Variants in DLGAP2 observed in about 807,000 individuals in gnomAD.
DLGAP2 encodes disks large-associated protein 2.
In DLGAP2, 26 loss-of-function variants were observed where a neutral mutation model predicts 100.3. The ratio of observed to expected loss-of-function variants is 0.26; its 90% CI spans 0.19 to 0.36. The LOEUF (loss-of-function observed/expected upper bound fraction) is 0.36. DLGAP2 is among the 10% of genes least tolerant of loss of function. The pLI is 1.00. For synonymous variants in DLGAP2, 886 were observed against 630.1 expected, an observed-to-expected ratio of 1.41 and a Z score of -6.08; for missense variants, 1,858 against 1,453.2, an observed-to-expected ratio of 1.28 and a Z score of -4.53.
intron 2 of DLGAP2, among the ~76,000 whole-genome samples, chr8:1,062,655 C>G (rs1423009558): frequency 2.0e-5 from 3 of 152,166 alleles, no homozygotes; most frequent in African/African-American, 7.2e-5. Flanking sequence ...GCCCTCCCTC[C>G]CTCCTGGCCA....
intron 13 of DLGAP2, among the ~76,000 whole-genome samples, chr8:1,692,594 A>G (rs771397569): frequency 5.3e-4 from 80 of 152,186 alleles, no homozygotes; most frequent in Admixed American, 3.9e-4. Context: ...GCATCTTAGA[A>G]GAGGAGAAAC....
At chr8:1,206,610 G>A (rs1357657548) in intron 2 of DLGAP2, among the ~76,000 whole-genome samples, 15 of 89,536 alleles carry the variant, frequency 1.7e-4, no homozygotes, top group East Asian at 1.0e-3. Flanking sequence ...CCAGCCATCC[G>A]TGGACTGGGG....
intron 3 of DLGAP2, among the ~76,000 whole-genome samples, chr8:1,327,139 C>G (rs887194310): frequency 6.6e-6 from 1 of 152,232 alleles, no homozygotes; most frequent in Non-Finnish European, 1.5e-5. Context: ...CCTCCTGACA[C>G]TGAGCGAGAT....
At chr8:1,073,327 C>G (rs906759281) in intron 2 of DLGAP2, among the ~76,000 whole-genome samples, 1 of 151,830 alleles carries the variant, frequency 6.6e-6, no homozygotes, top group Non-Finnish European at 1.5e-5. Context: ...ATTTGTTTTA[C>G]TAAATTACAG....
chr8:1,508,539 G>A (rs1193064439), intron 4 of DLGAP2, among the ~76,000 whole-genome samples: 1 of 25,588 alleles, frequency 3.9e-5, no homozygotes, highest in African/African-American at 1.3e-4. Context: ...CGCGCACATC[G>A]CTGTTGATCA....
At chr8:1,301,945 G>A (rs754789373) in intron 3 of DLGAP2, 1 of 152,382 alleles carries the variant, frequency 6.6e-6, no homozygotes, top group Non-Finnish European at 1.5e-5. Flanking sequence ...GAAGTTCTAG[G>A]AGAGTAGTAT....
chr8:1,687,787 A>G (rs1405210269), intron 12 of DLGAP2, among the ~76,000 whole-genome samples: 3 of 152,304 alleles, frequency 2.0e-5, no homozygotes, highest in South Asian at 2.1e-4. Flanking sequence ...TAAGAAACTG[A>G]TTGACTTTTA....
chr8:1,257,178 G>C (rs1333241181), intron 2 of DLGAP2, among the ~76,000 whole-genome samples: 2 of 152,082 alleles, frequency 1.3e-5, no homozygotes, highest in Admixed American at 6.5e-5. Flanking sequence ...GACGATTCAT[G>C]CTCTTTCCTT....
intron 3 of DLGAP2, among the ~76,000 whole-genome samples, chr8:1,281,952 C>T (rs912417978): frequency 3.3e-5 from 5 of 150,504 alleles, no homozygotes; most frequent in Middle Eastern, 3.2e-3. Flanking sequence ...GCACCAGGGC[C>T]GCAAACCATC....
At chr8:1,437,040 C>T (rs1255391685) in intron 3 of DLGAP2, among the ~76,000 whole-genome samples, 1 of 151,868 alleles carries the variant, frequency 6.6e-6, no homozygotes, top group Non-Finnish European at 1.5e-5. Context: ...TCAGCCCAGG[C>T]GCGTAAGGGT....
At chr8:1,672,233 T>TA (rs1230270533) in intron 10 of DLGAP2, among the ~76,000 whole-genome samples, 1 of 144,140 alleles carries the variant, frequency 6.9e-6, no homozygotes, top group African/African-American at 2.5e-5. Context: ...TTTTAATTTT[T>TA]TTTTTTTTTT....
At chr8:1,269,563 C>T (rs1232476327) in intron 3 of DLGAP2, among the ~76,000 whole-genome samples, 1 of 152,142 alleles carries the variant, frequency 6.6e-6, no homozygotes, top group Non-Finnish European at 1.5e-5. Flanking sequence ...GCTGTGAATC[C>T]CTAATTGTGC....
intron 2 of DLGAP2, among the ~76,000 whole-genome samples, chr8:1,147,146 C>G (rs1415721553): frequency 6.6e-6 from 1 of 152,146 alleles, no homozygotes; most frequent in Non-Finnish European, 1.5e-5. Context: ...TTTCTTTGGG[C>G]CCTCTGAAGT....
At chr8:1,118,895 T>C (rs1453876761) in intron 2 of DLGAP2, among the ~76,000 whole-genome samples, 2 of 152,240 alleles carry the variant, frequency 1.3e-5, no homozygotes, top group African/African-American at 4.8e-5. Context: ...TTTAAATTTA[T>C]GGGACTAGGT....
intron 3 of DLGAP2, among the ~76,000 whole-genome samples, chr8:1,267,304 C>T (rs989524669): frequency 2.0e-5 from 3 of 150,510 alleles, no homozygotes; most frequent in African/African-American, 7.3e-5. Flanking sequence ...CAGTGGCTCA[C>T]GCCTGTAATT....
intron 2 of DLGAP2, among the ~76,000 whole-genome samples, chr8:1,129,092 G>A (rs1796232965): frequency 1.3e-5 from 2 of 152,166 alleles, no homozygotes; most frequent in Admixed American, 1.3e-4. Context: ...TACAGACATG[G>A]ACATTGGAAT....
At chr8:1,006,335 G>A (rs919370013) in intron 2 of DLGAP2, among the ~76,000 whole-genome samples, 14 of 152,142 alleles carry the variant, frequency 9.2e-5, no homozygotes, top group African/African-American at 2.2e-4. Context: ...CCTTTATCAC[G>A]TCAGGGGTGC....
intron 3 of DLGAP2, among the ~76,000 whole-genome samples, chr8:1,392,740 T>A (rs943609212): frequency 1.2e-4 from 18 of 152,152 alleles, no homozygotes; most frequent in African/African-American, 4.3e-4. Flanking sequence ...CTTTGCCAGG[T>A]GATGGCACAG....
At chr8:1,311,421 C>G (rs1486806443) in intron 3 of DLGAP2, among the ~76,000 whole-genome samples, 1 of 152,202 alleles carries the variant, frequency 6.6e-6, no homozygotes, top group East Asian at 1.9e-4. Flanking sequence ...ATTCCTAACA[C>G]ATTCCTTGAG....
Sources: allele counts gnomAD v4.1 joint callset (sites outside exome capture counted in the v4.1 genomes callset), GRCh38; gene constraint gnomAD v4.1.1; transcripts MANE v1.5; gene names NCBI Gene and HGNC (gene_info 2026-07-23, HGNC 2026-07-21).